Variants in SMIM27 observed in about 807,000 individuals in gnomAD.
SMIM27 encodes TOPORS antisense RNA 1 (non-protein coding).
In SMIM27, 3 loss-of-function variants were observed where a neutral mutation model predicts 1.8. The ratio of observed to expected loss-of-function variants is 1.65; its 90% CI spans 0.75 to 4.28. The LOEUF (loss-of-function observed/expected upper bound fraction) is 4.28, where lower values mean the gene tolerates loss of function less well. Among genes scored for constraint, SMIM27 ranks in the 30% most tolerant of loss-of-function variants. The probability of loss-of-function intolerance (pLI) is 0.02; values close to 1 mark genes in which losing one functional copy is unlikely to be tolerated. For missense variants in SMIM27, 63 were observed against 37.0 expected (o/e 1.70, Z -1.83); for synonymous variants, 19 against 13.9 (o/e 1.37, Z -0.82).
upstream of SMIM27, chr9:32,551,647 C>T (rs1045789124): frequency 3.5e-6 from 1 of 285,692 alleles, no homozygotes; most frequent in Admixed American, 3.8e-5. Flanking sequence ...GATTCTACTC[C>T]TCAGGCCTCA....
rs765912044 is a variant in SMIM27, at chr9:32,552,327, G to C, written c.-108G>C. 2.0e-6 allele frequency: 3 copies of C among 1,504,062 alleles called. No homozygotes were observed. In the East Asian group the frequency reaches 7.3e-5, roughly 37 times the overall value. 93.2% of individuals were successfully genotyped at this position (1,504,062 alleles called of 1,614,324 possible). A position where few individuals can be genotyped will look rare whatever the true frequency, so the allele number is the denominator to read the frequency against. On this transcript the variant is annotated 5_prime_UTR_variant, in exon 1 of 2. Transcript: ENST00000692500. ...GCACGAAGCGAGTGGGCGGGCGCTC[G>C]TGCCCGGCTAAAAGATGGCTGCTGG...
chr9:32,553,689 T>C (rs1587632418), downstream of SMIM27: 1 of 544,978 alleles, frequency 1.8e-6, no homozygotes, highest in East Asian at 3.2e-5. Flanking sequence ...TCTCTCATAT[T>C]TGTTTAGCAT....
At position 32,552,404 on chromosome 9, in the gene SMIM27, A is replaced by G. The variant is rs199937352; in HGVS notation, c.-31A>G. 1 of 1,608,322 alleles carries G rather than the reference A, an allele frequency of 6.2e-7. No homozygotes were observed. Among genetic ancestry groups the G allele is most frequent in the Non-Finnish European group, 8.5e-7 (1 of 1,177,766 alleles). ...TACTGTAAGGCCCGCAGCTCCCGCC[A>G]GCTCCCGCGGACTGCTGCCGCCTCC... On this transcript the variant is annotated 5_prime_UTR_variant, in exon 1 of 2. Coordinates refer to ENST00000692500, the MANE Select transcript of SMIM27 (RefSeq NM_001387564.1).
downstream of SMIM27, among the ~76,000 whole-genome samples, chr9:32,555,080 CTT>C (rs1256855439): frequency 6.7e-6 from 1 of 149,496 alleles, no homozygotes; most frequent in Non-Finnish European, 1.5e-5. Flanking sequence ...ACGCTAGAGA[CTT>C]TCTGTTCCTG....
downstream of SMIM27, chr9:32,553,881 G>A (rs768435889): frequency 6.3e-7 from 1 of 1,574,854 alleles, no homozygotes; most frequent in Non-Finnish European, 8.7e-7. Flanking sequence ...AATCTTTAAT[G>A]ATGTTGATCA....
At chr9:32,552,270 A>C (rs1414411030), upstream of SMIM27, 2 of 955,664 alleles carry the variant, frequency 2.1e-6, no homozygotes, top group Non-Finnish European at 3.3e-6. Flanking sequence ...ACCGCCCCCC[A>C]ACTCCGGGCG....
chr9:32,553,716 T>C (rs780674821), downstream of SMIM27: 6 of 581,066 alleles, frequency 1.0e-5, no homozygotes, highest in South Asian at 4.4e-5. Flanking sequence ...TTTTTACTTA[T>C]TGTTAAATTA....
intron 1 of SMIM27, among the ~76,000 whole-genome samples, chr9:32,561,371 G>C (rs926922814): frequency 2.6e-5 from 4 of 151,778 alleles, no homozygotes; most frequent in African/African-American, 9.7e-5. Flanking sequence ...TATCGCTCAG[G>C]CTGGAGAGTG....
At chr9:32,554,551 T>C (rs563125626), downstream of SMIM27, among the ~76,000 whole-genome samples, 5 of 152,324 alleles carry the variant, frequency 3.3e-5, no homozygotes, top group African/African-American at 7.2e-5. Context: ...GTGTTTAAGA[T>C]AGATTCTGTT....
At chr9:32,552,123 C>T (rs146858664), upstream of SMIM27, 9 of 562,750 alleles carry the variant, frequency 1.6e-5, 1 homozygote, top group African/African-American at 1.4e-4. Flanking sequence ...ATTAATATTG[C>T]ATTGCAACTA....
chr9:32,553,935 T>C (rs748471099), downstream of SMIM27: 10 of 1,591,440 alleles, frequency 6.3e-6, no homozygotes, highest in African/African-American at 5.4e-5. Context: ...GTCTCCAGAA[T>C]TGTATCACCC....
At chr9:32,552,299 G>T (rs1758072794), upstream of SMIM27, 3 of 1,302,628 alleles carry the variant, frequency 2.3e-6, no homozygotes, top group Non-Finnish European at 3.3e-6. Flanking sequence ...CAGCGACAGC[G>T]CTGCACGAAG....
intron 1 of SMIM27, chr9:32,566,103 C>T (rs781758025): frequency 4.5e-4 from 222 of 494,378 alleles, no homozygotes; most frequent in Non-Finnish European, 7.3e-4. Context: ...TAAAATTATG[C>T]CCACGACAGG....
Position 32,552,960 on chromosome 9 carries a change from T to A in SMIM27, c.*37T>A. 2.9e-6 allele frequency: 2 copies of A among 682,640 alleles called. No homozygotes were observed. Among genetic ancestry groups the A allele is most frequent in the Non-Finnish European group, 5.3e-6 (2 of 376,460 alleles). 42.3% of individuals were successfully genotyped at this position (682,640 alleles called of 1,614,324 possible). On this transcript the variant is annotated 3_prime_UTR_variant, in exon 2 of 2. Transcript: ENST00000692500. Reference sequence around the variant, plus strand: ...TTAATTATCTGAAAATACAGTTCTTTCCCTCATGCTTATGTAGATATAAAA... The same window carrying A: ...TTAATTATCTGAAAATACAGTTCTTACCCTCATGCTTATGTAGATATAAAA...
Position 32,552,351 on chromosome 9 carries a change from G to T in SMIM27, c.-84G>T, listed in dbSNP as rs534310795. The T allele has an allele frequency of 6.4e-7, 1 of 1,562,358 alleles. No homozygotes were observed. Among genetic ancestry groups the T allele is most frequent in the South Asian group, 1.2e-5 (1 of 86,142 alleles). On this transcript the variant is annotated 5_prime_UTR_variant, in exon 1 of 2. Transcript: ENST00000692500. ...CGTGCCCGGCTAAAAGATGGCTGCT[G>T]GCGCCTGGCAGCCACCGCCTGGGAG...
At chr9:32,552,717 C>A (rs1401118934) in intron 1 of SMIM27, 84 bp from the exon 2 acceptor site, 1 of 672,212 alleles carries the variant, frequency 1.5e-6, no homozygotes, top group Non-Finnish European at 2.7e-6. Flanking sequence ...TTAATTCCCA[C>A]CTTAGCAATG....
upstream of SMIM27, chr9:32,551,954 G>A: frequency 6.4e-6 from 2 of 312,510 alleles, no homozygotes; most frequent in Non-Finnish European, 6.7e-6. Flanking sequence ...ACAGGCGAAC[G>A]TCCATCTAAA....
intron 1 of SMIM27, chr9:32,558,850 G>A (rs1285091682): frequency 9.4e-6 from 11 of 1,169,800 alleles, no homozygotes; most frequent in East Asian, 2.4e-5. Context: ...GCTTGGAAAG[G>A]GAGGAAAAGG....
At chr9:32,551,837 G>A (rs1821273459), upstream of SMIM27, 1 of 450,164 alleles carries the variant, frequency 2.2e-6, no homozygotes, top group Non-Finnish European at 4.5e-6. Context: ...TCTTCTTAGA[G>A]ATATACATTA....
Sources: gnomAD v4.1 joint callset for allele counts (sites outside exome capture counted in the v4.1 genomes callset) on GRCh38, gnomAD v4.1.1 for gene constraint, MANE v1.5 for transcripts, NCBI Gene and HGNC (gene_info 2026-07-23, HGNC 2026-07-21) for gene names.